Variants in APLP2 observed in about 807,000 individuals in gnomAD.
The protein encoded by APLP2 is CDEI box-binding protein.
Under a neutral mutation model 89.9 loss-of-function variants are expected in APLP2, and 53 were observed. The ratio of observed to expected loss-of-function variants is 0.59; its 90% confidence interval spans 0.47 to 0.74. APLP2 has a LOEUF of 0.74. Ranked by LOEUF, APLP2 falls within the 30% of genes least tolerant of loss-of-function variation. APLP2 has a pLI of 0.00. For missense variants in APLP2, 973 were observed against 975.9 expected (o/e 1.00, Z 0.04); for synonymous variants, 372 against 348.6 (o/e 1.07, Z -0.75).
At chr11:130,101,961 GAT>G (rs1438760765) in intron 1 of APLP2, 1 of 456,118 alleles carries the variant, frequency 2.2e-6, no homozygotes, top group Non-Finnish European at 4.4e-6. Flanking sequence ...GGTCTTTCCT[GAT>G]CAGCACCCTC....
chr11:130,117,175 A>G (rs959685760), intron 3 of APLP2, among the ~76,000 whole-genome samples: 1 of 152,222 alleles, frequency 6.6e-6, no homozygotes, highest in African/African-American at 2.4e-5. Context: ...TTTCAAATTC[A>G]GTGGTGTTCT....
chr11:130,125,961 G>A (rs1950326713), intron 7 of APLP2, among the ~76,000 whole-genome samples: 1 of 152,184 alleles, frequency 6.6e-6, no homozygotes, highest in Non-Finnish European at 1.5e-5. Context: ...GTGCTCCAAT[G>A]GGCCTGTGCT....
chr11:130,072,199 C>T (rs1250927898), intron 1 of APLP2, among the ~76,000 whole-genome samples: 1 of 152,174 alleles, frequency 6.6e-6, no homozygotes, highest in East Asian at 1.9e-4. Flanking sequence ...GTGCATGCTC[C>T]CATTTGGGAC....
At chr11:130,093,517 A>G (rs1410635884) in intron 1 of APLP2, among the ~76,000 whole-genome samples, 3 of 152,212 alleles carry the variant, frequency 2.0e-5, no homozygotes, top group African/African-American at 7.2e-5. Flanking sequence ...AGAAGGAGAA[A>G]ACAAAAAGAA....
intron 1 of APLP2, among the ~76,000 whole-genome samples, chr11:130,087,694 G>A (rs551489716): frequency 1.3e-5 from 2 of 152,258 alleles, no homozygotes; most frequent in Non-Finnish European, 2.9e-5. Context: ...ATGGCCCTGC[G>A]ATTGGTTGGA....
chr11:130,089,642 A>C (rs1050494304), intron 1 of APLP2, among the ~76,000 whole-genome samples: 1 of 151,928 alleles, frequency 6.6e-6, no homozygotes, highest in Non-Finnish European at 1.5e-5. Context: ...CCACAAATGG[A>C]GTGACTTAAG....
chr11:130,135,864 C>T, intron 13 of APLP2, 149 bp downstream of exon 13: 2 of 964,404 alleles, frequency 2.1e-6, no homozygotes, highest in East Asian at 2.6e-5. Flanking sequence ...TGAGCGCCTA[C>T]TGTGTGCAAG....
chr11:130,095,469 G>A (rs1214469525), intron 1 of APLP2, among the ~76,000 whole-genome samples: 1 of 152,216 alleles, frequency 6.6e-6, no homozygotes. Context: ...TAAAAACATT[G>A]GAGGATAATA....
intron 1 of APLP2, among the ~76,000 whole-genome samples, chr11:130,090,869 C>T (rs1270936104): frequency 3.3e-5 from 5 of 150,324 alleles, no homozygotes; most frequent in South Asian, 4.2e-4. Context: ...ACCTCCCGGA[C>T]GGGGCGGTTG....
chr11:130,135,476 TG>T (rs563820712), intron 12 of APLP2, 86 bp from the exon 13 acceptor site: 2 of 1,430,736 alleles, frequency 1.4e-6, no homozygotes, highest in South Asian at 2.7e-5. Flanking sequence ...GGAGCCACAG[TG>T]GGGTCTTGGA....
In APLP2 at chr11:130,110,609, G is replaced by A; in HGVS notation, c.351G>A (p.Arg117=). 1 of 1,613,906 alleles carries A rather than the reference G, an allele frequency of 6.2e-7. No homozygotes were observed. The highest frequency in any genetic ancestry group is 8.5e-7 in the Non-Finnish European group (1 of 1,179,972). Residue 117 remains arginine, a synonymous_variant, in exon 3 of 17, where the codon CGG becomes CGA. Transcript: ENST00000338167. ...GGGTTAGTATTGACAACTGGTGCCGGAGGGACAAAAAGCAATGCAAGAGTC... is the reference window on the plus strand; with the variant it reads ...GGGTTAGTATTGACAACTGGTGCCGAAGGGACAAAAAGCAATGCAAGAGTC... The part of the protein sequence containing the change: ...NQRVSIDNWC[R]RDKKQCKSRF...
chr11:130,081,361 T>C (rs533416982), intron 1 of APLP2, among the ~76,000 whole-genome samples: 1 of 152,344 alleles, frequency 6.6e-6, no homozygotes, highest in South Asian at 2.1e-4. Flanking sequence ...TTTTGAGTTA[T>C]TGCATAGGGA....
chr11:130,072,524 G>C (rs1941313847), intron 1 of APLP2, among the ~76,000 whole-genome samples: 2 of 148,688 alleles, frequency 1.3e-5, no homozygotes, highest in South Asian at 2.1e-4. Flanking sequence ...TCCCAGGCTG[G>C]AGTGCAATGG....
At chr11:130,124,756 C>T (rs557762173) in intron 7 of APLP2, among the ~76,000 whole-genome samples, 1 of 152,196 alleles carries the variant, frequency 6.6e-6, no homozygotes, top group African/African-American at 2.4e-5. Flanking sequence ...TTGAGTGCTT[C>T]CCTTCCAGCT....
At chr11:130,104,447 G>A (rs991106139) in intron 1 of APLP2, among the ~76,000 whole-genome samples, 6 of 151,960 alleles carry the variant, frequency 3.9e-5, no homozygotes, top group African/African-American at 1.5e-4. Context: ...TCGAGCTCCT[G>A]ACCTCAGATA....
At chr11:130,097,462 G>A (rs755077013) in intron 1 of APLP2, among the ~76,000 whole-genome samples, 9 of 152,232 alleles carry the variant, frequency 5.9e-5, no homozygotes, top group Non-Finnish European at 8.8e-5. Context: ...GGGAGGCCAA[G>A]GAGGGAGGAT....
chr11:130,089,062 C>A (rs961389410), intron 1 of APLP2, among the ~76,000 whole-genome samples: 4 of 152,168 alleles, frequency 2.6e-5, no homozygotes, highest in African/African-American at 9.7e-5. Flanking sequence ...AGCCCCCTCC[C>A]TACCACCCGT....
At chr11:130,071,169 A>G (rs1198887261) in intron 1 of APLP2, among the ~76,000 whole-genome samples, 2 of 152,164 alleles carry the variant, frequency 1.3e-5, no homozygotes, top group Non-Finnish European at 2.9e-5. Context: ...GAGAGACCTG[A>G]AGACTGGATT....
intron 11 of APLP2, among the ~76,000 whole-genome samples, chr11:130,132,976 GTTC>G (rs1363052197): frequency 2.2e-5 from 3 of 134,238 alleles, no homozygotes; most frequent in Non-Finnish European, 4.6e-5. Context: ...ACAAATTAGA[GTTC>G]TTTTTTTTTT....
Sources: allele counts gnomAD v4.1 joint callset (sites outside exome capture counted in the v4.1 genomes callset), GRCh38; gene constraint gnomAD v4.1.1; transcripts MANE v1.5; gene names NCBI Gene and HGNC (gene_info 2026-07-23, HGNC 2026-07-21).